The following PDGFB variants were observed in gnomAD, a reference collection of about 807,000 sequenced individuals.
PDGFB encodes platelet derived growth factor subunit B.
A neutral mutation model predicts 29.0 loss-of-function variants in PDGFB; 6 were observed. The ratio of observed to expected loss-of-function variants is 0.21; its 90% CI spans 0.11 to 0.41. PDGFB has a LOEUF of 0.41. PDGFB is among the 10% of genes least tolerant of loss of function. The probability of loss-of-function intolerance (pLI) is 1.00; values close to 1 mark genes in which losing one functional copy is unlikely to be tolerated. For missense variants in PDGFB, 299 were observed against 341.8 expected (o/e 0.87, Z 0.99); for synonymous variants, 144 against 140.8 (o/e 1.02, Z -0.16).
intron 4 of PDGFB, 92 bp from the exon 5 acceptor site, chr22:39,230,320 C>T (rs967346718): frequency 3.8e-6 from 5 of 1,311,210 alleles, no homozygotes; most frequent in East Asian, 2.3e-5. Flanking sequence ...CCCCGGTGTC[C>T]CCTGCAGCAA....
Position 39,231,891 on chromosome 22 carries a change from G to A in PDGFB, c.251-64C>T, listed in dbSNP as rs1932317939. 9 of 1,419,906 alleles carry A rather than the reference G, an allele frequency of 6.3e-6. No individual in the cohort carries two copies. Among genetic ancestry groups the A allele is most frequent in the Non-Finnish European group, 7.7e-6 (8 of 1,033,758 alleles). 88.0% of individuals were successfully genotyped at this position (1,419,906 alleles called of 1,614,324 possible). A position where few individuals can be genotyped will look rare whatever the true frequency, so the allele number is the denominator to read the frequency against. The stretch of plus-strand genomic sequence containing the variant: ...GTCCAGAGTCCCCCCACTTGGCAGG[G>A]GAGCTCAGCGGGTGCCTCCGGGACT... On this transcript the variant is annotated intron_variant, in intron 3 of 6. Transcript: ENST00000331163. The surrounding 1 kb of genome is among the most constrained non-coding windows in gnomAD (Gnocchi z 4.3).
At position 39,244,030 on chromosome 22, in the gene PDGFB, G is replaced by C. The variant is rs1932635062; in HGVS notation, c.-67C>G. 1.9e-6 allele frequency: 2 copies of C among 1,053,692 alleles called. No individual in the cohort carries two copies. The highest frequency in any genetic ancestry group is 2.9e-5 in the East Asian group (1 of 33,920). 65.3% of individuals were successfully genotyped at this position (1,053,692 alleles called of 1,614,324 possible). On this transcript the variant is annotated 5_prime_UTR_variant, in exon 1 of 7. Coordinates refer to ENST00000331163, the MANE Select transcript of PDGFB (RefSeq NM_002608.4). This position sits in a 1 kb window ranked among gnomAD's most constrained non-coding sequence, Gnocchi z 4.5. ...ATCGAGCGCGCCGCCCCCGCGGCCA[G>C]GGTGGGGGGCTGGGGAGGGGGGTGG...
Position 39,243,880 on chromosome 22 carries a change from C to T in PDGFB, c.63+21G>A, listed in dbSNP as rs1465684965. On this transcript the variant is annotated intron_variant, in intron 1 of 6. Transcript: ENST00000331163. This position sits in a 1 kb window ranked among gnomAD's most constrained non-coding sequence, Gnocchi z 6.4. ...GAAGGTAATGAATGAAGAACCAGCC[C>T]CAGCCGCCGTGGCAACTCACCTCGG... 3 of 1,591,552 alleles carry T rather than the reference C, an allele frequency of 1.9e-6. No individual in the cohort carries two copies. In the South Asian group the frequency reaches 3.4e-5, roughly 18 times the overall value.
chr22:39,244,038 G>A lies in PDGFB; in HGVS notation c.-75C>T. The A allele has an allele frequency of 1.2e-6, 1 of 848,942 alleles. No individual in the cohort carries two copies. The highest frequency in any genetic ancestry group is 1.7e-5 in the South Asian group (1 of 58,854). 52.6% of individuals were successfully genotyped at this position (848,942 alleles called of 1,614,324 possible). A position where few individuals can be genotyped will look rare whatever the true frequency, so the allele number is the denominator to read the frequency against. On this transcript the variant is annotated 5_prime_UTR_variant, in exon 1 of 7. Coordinates refer to ENST00000331163, the MANE Select transcript of PDGFB (RefSeq NM_002608.4). The surrounding 1 kb of genome is among the most constrained non-coding windows in gnomAD (Gnocchi z 4.5). The stretch of plus-strand genomic sequence containing the variant: ...CGCCGCCCCCGCGGCCAGGGTGGGG[G>A]GCTGGGGAGGGGGGTGGGCTCGGCT...
At chr22:39,228,878 G>C (rs1267228810) in intron 5 of PDGFB, among the ~76,000 whole-genome samples, 2 of 81,652 alleles carry the variant, frequency 2.4e-5, no homozygotes, top group Non-Finnish European at 6.3e-5. Context: ...GACAGGGTGA[G>C]ACTGCCTCAA....
intron 1 of PDGFB, 106 bp from the exon 2 acceptor site, chr22:39,235,980 A>G (rs1601600286): frequency 1.3e-6 from 1 of 774,572 alleles, no homozygotes; most frequent in Middle Eastern, 3.6e-4. Context: ...GGAAAGCTCC[A>G]AGGTCACAGG....
chr22:39,227,579 A>G (rs1390554312), intron 5 of PDGFB, among the ~76,000 whole-genome samples: 2 of 152,198 alleles, frequency 1.3e-5, no homozygotes, highest in Non-Finnish European at 2.9e-5. Context: ...TTTACAGATG[A>G]GGAAACTGAA....
At position 39,225,856 on chromosome 22, in the gene PDGFB, G is replaced by T. The variant is rs902225253; in HGVS notation, c.602-9C>A. The T allele has an allele frequency of 6.2e-7, 1 of 1,608,678 alleles. No homozygotes were observed. Reference sequence around the variant, plus strand: ...AGTTTGGGGCGTTTTGGCTGCACAAGAAAAAGAAAGACCTCGTCAGCATGT... The same window carrying T: ...AGTTTGGGGCGTTTTGGCTGCACAATAAAAAGAAAGACCTCGTCAGCATGT... On this transcript the variant is annotated splice_polypyrimidine_tract_variant and intron_variant, in intron 5 of 6. Coordinates refer to ENST00000331163, the MANE Select transcript of PDGFB (RefSeq NM_002608.4).
intron 1 of PDGFB, among the ~76,000 whole-genome samples, chr22:39,237,205 AGCTTATCATGAGGTCTAGCAACACCT>A (rs1396069841): frequency 6.6e-6 from 1 of 150,610 alleles, no homozygotes; most frequent in African/African-American, 2.4e-5. Context: ...TGTTTCCTCC[AGCTTATCATGAGGTCTAGCAACACCT>A]CCAGGGGTTC....
chr22:39,227,514 A>G (rs953396180), intron 5 of PDGFB, among the ~76,000 whole-genome samples: 7 of 152,224 alleles, frequency 4.6e-5, no homozygotes, highest in Non-Finnish European at 8.8e-5. Flanking sequence ...GTGCTGTTCT[A>G]TGCTCATTTC....
In PDGFB at chr22:39,235,790, C is replaced by G; in HGVS notation, c.148G>C (p.Gly50Arg). 8 of 1,613,360 alleles carry G rather than the reference C, an allele frequency of 5.0e-6. No individual in the cohort carries two copies. Among genetic ancestry groups the G allele is most frequent in the Non-Finnish European group, 6.8e-6 (8 of 1,179,368 alleles). Residue 50 changes from glycine (G) to arginine (R), a missense_variant, in exon 2 of 7, where the codon GGA becomes CGA. Gly to Arg is a moderately radical substitution (Grantham distance 125). Transcript: ENST00000331163. ...SFDDLQRLLH[G>R]DPGEEDGAEL... Reference sequence around the variant, plus strand: ...GGATTCCATTTACCTCCGGGGTCTCCGTGCAGCAGGCGTTGGAGATCATCA... The same window carrying G: ...GGATTCCATTTACCTCCGGGGTCTCGGTGCAGCAGGCGTTGGAGATCATCA...
rs1184799325 is a variant in PDGFB, at chr22:39,228,893, A to AAAAAAAAAAATATATAT, written c.601+1190_601+1191insATATATATTTTTTTTTT. 1.5e-3 allele frequency among the ~76,000 whole-genome samples: 201 copies of AAAAAAAAAAATATATAT among 132,592 alleles called. 3 individuals are homozygous for AAAAAAAAAAATATATAT. The highest frequency in any genetic ancestry group is 3.4e-3 in the South Asian group (14 of 4,098). 87.0% of individuals were successfully genotyped at this position (132,592 alleles called of 152,430 possible). On this transcript the variant is annotated intron_variant, in intron 5 of 6. Coordinates refer to ENST00000331163, the MANE Select transcript of PDGFB (RefSeq NM_002608.4). ...GACAGGGTGAGACTGCCTCAAAAAA[A>AAAAAAAAAAATATATAT]ATATATATATATATAGATATATATA...
At chr22:39,229,194 A>AT (rs377038602) in intron 5 of PDGFB, among the ~76,000 whole-genome samples, 85 of 149,948 alleles carry the variant, frequency 5.7e-4, no homozygotes, top group Admixed American at 1.5e-3. Flanking sequence ...CGTATTAATC[A>AT]TTTTTTTTTT....
rs578133598 is a variant in PDGFB at position 39,244,801 on chromosome 22, C to CTT, written c.-840_-839dup. On this transcript the variant is annotated 5_prime_UTR_variant, in exon 1 of 7. Transcript: ENST00000331163. This position sits in a 1 kb window ranked among gnomAD's most constrained non-coding sequence, Gnocchi z 4.5. ...CTTTGCAGCGAGGCTGGAGGGTGGG[C>CTT]TTTTTTTTTTTTTTTTCCTTTTTGC... 34 of 158,890 alleles carry CTT rather than the reference C, an allele frequency of 2.1e-4. No individual in the cohort carries two copies. Among genetic ancestry groups the CTT allele is most frequent in the East Asian group, 1.1e-3 (11 of 10,346 alleles). The allele number at this position is 158,890 out of a possible 1,614,324, so 9.8% of individuals were successfully genotyped here.
rs775427907 is a variant in PDGFB at position 39,231,718 on chromosome 22, C to T, written c.360G>A (p.Val120=). The T allele has an allele frequency of 6.2e-7, 1 of 1,611,306 alleles. No individual in the cohort carries two copies. Among genetic ancestry groups the T allele is most frequent in the Non-Finnish European group, 8.5e-7 (1 of 1,179,022 alleles). The change falls in exon 4 of 7, where the codon GTG becomes GTA. Residue 120 remains valine, a synonymous_variant. Coordinates refer to ENST00000331163, the MANE Select transcript of PDGFB (RefSeq NM_002608.4). The surrounding 1 kb of genome is among the most constrained non-coding windows in gnomAD (Gnocchi z 4.3). ...GCTGCACCTCCACACAGGGCGGCCA[C>T]ACCAGGAAGTTGGCGTTGGTGCGGT... ...LIDRTNANFL[V]WPPCVEVQRC...
intron 2 of PDGFB, among the ~76,000 whole-genome samples, 158 bp downstream of exon 2, chr22:39,235,620 G>A (rs1015927184): frequency 6.6e-6 from 1 of 152,208 alleles, no homozygotes; most frequent in African/African-American, 2.4e-5. Context: ...CTGCTGACTC[G>A]GCCCTGCCCT....
In PDGFB at chr22:39,243,630, G is replaced by A. The variant is rs1197063733; in HGVS notation, c.63+271C>T. ...TGTTCTCGGGTTCCCAAAGGGTGGG[G>A]GACAGGGCCACACACACCCTCCCCC... On this transcript the variant is annotated intron_variant, in intron 1 of 6. Coordinates refer to ENST00000331163, the MANE Select transcript of PDGFB (RefSeq NM_002608.4). The surrounding 1 kb of genome is among the most constrained non-coding windows in gnomAD (Gnocchi z 6.4). Among the ~76,000 whole-genome samples the A allele has an allele frequency of 6.6e-6, 1 of 152,106 alleles. No homozygotes were observed. The highest frequency in any genetic ancestry group is 2.4e-5 in the African/African-American group (1 of 41,456).
rs892256951 is a variant in PDGFB, at chr22:39,243,079, G to A, written c.63+822C>T. The A allele has an allele frequency of 1.3e-5, 3 of 233,108 alleles. No individual in the cohort carries two copies. The highest frequency in any genetic ancestry group is 2.5e-5 in the Non-Finnish European group (3 of 118,038). The allele number at this position is 233,108 out of a possible 1,614,324, so 14.4% of individuals were successfully genotyped here. ...GCGCGCTCCGCACCCTGCATGCGGG[G>A]GAGAGAGGTGCTTCCTCCTGCAGGG... On this transcript the variant is annotated intron_variant, in intron 1 of 6. Transcript: ENST00000331163. This position sits in a 1 kb window ranked among gnomAD's most constrained non-coding sequence, Gnocchi z 6.4.
chr22:39,226,948 G>A (rs192276996), intron 5 of PDGFB, among the ~76,000 whole-genome samples: 4 of 152,258 alleles, frequency 2.6e-5, no homozygotes, highest in African/African-American at 7.2e-5. Context: ...CCTGTGCCTC[G>A]ATTTCCGCAT....
Sources: gnomAD v4.1 joint callset for allele counts (sites outside exome capture counted in the v4.1 genomes callset) on GRCh38, gnomAD v4.1.1 for gene constraint, Gnocchi (gnomAD v3.1) non-coding constraint, MANE v1.5 for transcripts, NCBI Gene and HGNC (gene_info 2026-07-23, HGNC 2026-07-21) for gene names.